The following ZNF536 variants were observed in gnomAD, a reference collection of about 807,000 sequenced individuals.
The protein encoded by ZNF536 is zinc finger protein 536.
In ZNF536, 13 loss-of-function variants were observed where a neutral mutation model predicts 84.5. The observed-to-expected ratio is 0.15, with a 90% confidence interval of 0.10 to 0.24. The LOEUF (loss-of-function observed/expected upper bound fraction) is 0.24, where lower values mean the gene tolerates loss of function less well. ZNF536 is among the 10% of genes least tolerant of loss of function. ZNF536 has a pLI of 1.00. For synonymous variants in ZNF536, 811 were observed against 742.5 expected, an observed-to-expected ratio of 1.09 and a Z score of -1.50; for missense variants, 1,536 against 1,747.5, an observed-to-expected ratio of 0.88 and a Z score of 2.16.
chr19:30,662,452 A>C (rs1227643886), intron 1 of ZNF536, among the ~76,000 whole-genome samples: 1 of 152,188 alleles, frequency 6.6e-6, no homozygotes, highest in East Asian at 1.9e-4. Context: ...TAAAGGGCAG[A>C]AGTGGCCTGA....
At chr19:30,314,899 C>T (rs1446561205) in intron 2 of ZNF536, among the ~76,000 whole-genome samples, 1 of 152,078 alleles carries the variant, frequency 6.6e-6, no homozygotes, top group Admixed American at 6.5e-5. Context: ...CAGCCCCGAT[C>T]CCCCACCCAC....
At chr19:30,312,539 T>A (rs2046540178) in intron 2 of ZNF536, among the ~76,000 whole-genome samples, 1 of 152,230 alleles carries the variant, frequency 6.6e-6, no homozygotes. Context: ...AAAGTGATTA[T>A]TTTTCTTTTT....
intron 1 of ZNF536, among the ~76,000 whole-genome samples, chr19:30,692,072 T>TC (rs892575428): frequency 4.6e-5 from 7 of 152,218 alleles, no homozygotes; most frequent in Non-Finnish European, 4.4e-5. Context: ...ATCATGTGGA[T>TC]ATACAGGAAG....
chr19:30,605,769 T>G (rs1020545955), intron 1 of ZNF536, among the ~76,000 whole-genome samples: 1 of 152,208 alleles, frequency 6.6e-6, no homozygotes, highest in Non-Finnish European at 1.5e-5. Flanking sequence ...GCAGGATGTT[T>G]TTTGACATCA....
chr19:30,259,013 C>A (rs372083354), intron 1 of ZNF536, among the ~76,000 whole-genome samples: 1 of 152,058 alleles, frequency 6.6e-6, no homozygotes, highest in East Asian at 1.9e-4. Flanking sequence ...CCACTGTGAC[C>A]GGCCAAAATT....
At chr19:30,435,517 G>C (rs531723347) in intron 1 of ZNF536, among the ~76,000 whole-genome samples, 1 of 150,386 alleles carries the variant, frequency 6.6e-6, no homozygotes, top group East Asian at 2.0e-4. Context: ...GATCATTATG[G>C]TGATGATGAT....
At chr19:30,474,598 T>C (rs1245009637) in intron 2 of ZNF536, among the ~76,000 whole-genome samples, 2 of 152,152 alleles carry the variant, frequency 1.3e-5, no homozygotes, top group Non-Finnish European at 2.9e-5. Context: ...AGGGAGGATA[T>C]TACACGAAGC....
intron 1 of ZNF536, among the ~76,000 whole-genome samples, chr19:30,439,964 T>C (rs564771906): frequency 0.015 from 1,833 of 125,276 alleles, 20 homozygotes; most frequent in Non-Finnish European, 0.022. Context: ...TCTTTCTTTT[T>C]TTTTTTTTTT....
At chr19:30,514,967 G>A (rs1409622961) in intron 2 of ZNF536, among the ~76,000 whole-genome samples, 1 of 152,054 alleles carries the variant, frequency 6.6e-6, no homozygotes, top group African/African-American at 2.4e-5. Context: ...AAACTCTGTG[G>A]CCCAGCGTGG....
downstream of ZNF536, among the ~76,000 whole-genome samples, chr19:30,560,616 C>A (rs965742857): frequency 6.6e-6 from 1 of 152,136 alleles, no homozygotes; most frequent in Non-Finnish European, 1.5e-5. Flanking sequence ...AGCAGAGTTC[C>A]AAGGAGACAT....
chr19:30,509,298 ATATAT>A (rs1438249845), intron 2 of ZNF536, among the ~76,000 whole-genome samples: 5 of 148,508 alleles, frequency 3.4e-5, no homozygotes, highest in South Asian at 4.2e-4. Flanking sequence ...AATATGTAAC[ATATAT>A]TATACATACA....
intron 1 of ZNF536, among the ~76,000 whole-genome samples, chr19:30,659,046 C>T (rs2050021517): frequency 6.6e-6 from 1 of 152,084 alleles, no homozygotes; most frequent in Non-Finnish European, 1.5e-5. Context: ...CTGATTTTAC[C>T]GTTTGGGTGG....
chr19:30,368,796 G>A (rs549913645), upstream of ZNF536, among the ~76,000 whole-genome samples: 22 of 152,342 alleles, frequency 1.4e-4, no homozygotes, highest in South Asian at 3.5e-3. Flanking sequence ...CGGGTCCAAG[G>A]GAGGGGACTG....
chr19:30,563,936 G>A (rs912281708), intron 1 of ZNF536, among the ~76,000 whole-genome samples: 2 of 152,166 alleles, frequency 1.3e-5, no homozygotes, highest in African/African-American at 4.8e-5. Flanking sequence ...TTCCCACTAT[G>A]TCAAGGTGTC....
intron 1 of ZNF536, among the ~76,000 whole-genome samples, chr19:30,253,063 C>T (rs779003774): frequency 7.2e-5 from 11 of 152,232 alleles, no homozygotes; most frequent in Non-Finnish European, 1.3e-4. Flanking sequence ...ACCCACAATG[C>T]TCATTCCAGT....
intron 2 of ZNF536, among the ~76,000 whole-genome samples, chr19:30,480,262 C>T (rs944793791): frequency 5.3e-5 from 8 of 152,178 alleles, no homozygotes. Context: ...ACAGGTCTCT[C>T]TTCCTTCCCC....
chr19:30,392,067 G>A (rs537449628), intron 1 of ZNF536, among the ~76,000 whole-genome samples: 1 of 152,298 alleles, frequency 6.6e-6, no homozygotes, highest in Admixed American at 6.5e-5. Context: ...GATGTCCGGA[G>A]CTGGGGGCCA....
chr19:30,379,862 G>C (rs1268597551), intron 1 of ZNF536, among the ~76,000 whole-genome samples: 2 of 152,162 alleles, frequency 1.3e-5, no homozygotes, highest in Non-Finnish European at 2.9e-5. Flanking sequence ...TCTGTGCCAG[G>C]CACTGTGCTA....
intron 2 of ZNF536, among the ~76,000 whole-genome samples, chr19:30,520,867 T>A (rs537450422): frequency 6.6e-6 from 1 of 152,302 alleles, no homozygotes; most frequent in East Asian, 1.9e-4. Flanking sequence ...TAGGCAGTGT[T>A]TGGAGGCTGG....
Sources: allele counts gnomAD v4.1 joint callset (sites outside exome capture counted in the v4.1 genomes callset), GRCh38; gene constraint gnomAD v4.1.1; transcripts MANE v1.5; gene names NCBI Gene and HGNC (gene_info 2026-07-23, HGNC 2026-07-21).